Variants in PRAM1 observed in about 807,000 individuals in gnomAD.
PRAM1 encodes PML-RARA regulated adaptor molecule 1, also known as PML-RARA-regulated adapter molecule 1.
In PRAM1, 41 loss-of-function variants were observed where a neutral mutation model predicts 55.3. The ratio of observed to expected loss-of-function variants is 0.74; its 90% CI spans 0.58 to 0.96. The LOEUF (loss-of-function observed/expected upper bound fraction) is 0.96, where lower values mean the gene tolerates loss of function less well. PRAM1 is among the 40% of genes least tolerant of loss of function. The pLI, the probability that PRAM1 is intolerant of heterozygous loss-of-function variation, is 0.00. For synonymous variants in PRAM1, 401 were observed against 387.1 expected, an observed-to-expected ratio of 1.04 and a Z score of -0.42; for missense variants, 898 against 892.7, an observed-to-expected ratio of 1.01 and a Z score of -0.08.
chr19:8,495,773 T>A (rs1599879474), intron 4 of PRAM1, among the ~76,000 whole-genome samples: 1 of 151,234 alleles, frequency 6.6e-6, no homozygotes, highest in African/African-American at 2.4e-5. Context: ...GCAGGCAAGG[T>A]GCTTCCCTGG....
Position 8,499,715 on chromosome 19 carries a change from G to T in PRAM1, c.93C>A (p.Asp31Glu). 1 of 1,613,784 alleles carries T rather than the reference G, an allele frequency of 6.2e-7. No homozygotes were observed. Among genetic ancestry groups the T allele is most frequent in the Non-Finnish European group, 8.5e-7 (1 of 1,179,790 alleles). Residue 31 changes from aspartate (D) to glutamate (E), a missense_variant, in exon 2 of 10, where the codon GAC becomes GAA. Physicochemically the swap from Asp to Glu is conservative, Grantham distance 45 (BLOSUM62 2). Around this residue, in one of 4 missense-constraint regions of PRAM1, gnomAD observed 79 missense variants for 93.4 expected, o/e 0.85. Transcript: ENST00000423345. ...CAGGCTTCGGAGGTTTTTTGGGCAG[G>T]TCGCTGGGCTCCGGCTGAGAGGCCT... is the stretch of plus-strand genomic sequence containing the variant. ...KFQASQPEPS[D>E]LPKKPPKPEF...
intron 4 of PRAM1, among the ~76,000 whole-genome samples, chr19:8,495,089 G>A (rs1298342603): frequency 1.3e-5 from 2 of 151,624 alleles, no homozygotes; most frequent in African/African-American, 4.9e-5. Flanking sequence ...ACAGGTGCAT[G>A]CCACCATGCC....
chr19:8,499,163 C>T lies in PRAM1; in HGVS notation c.645G>A (p.Lys215=). The T allele has an allele frequency of 6.2e-7, 1 of 1,613,474 alleles. No individual in the cohort carries two copies. Among genetic ancestry groups the T allele is most frequent in the Non-Finnish European group, 8.5e-7 (1 of 1,179,730 alleles). The part of the protein sequence containing the change: ...PQPELSTFPK[K]PAQPEFNVYP... ...ACACGTTGAACTCAGGCTGCGCAGG[C>T]TTCTTGGGAAAGGTACTCAACTCAG... The change falls in exon 2 of 10, where the codon AAG becomes AAA. Residue 215 remains lysine, a synonymous_variant. Coordinates refer to ENST00000423345, the MANE Select transcript of PRAM1 (RefSeq NM_032152.5).
intron 4 of PRAM1, among the ~76,000 whole-genome samples, chr19:8,492,911 C>T (rs999494421): frequency 6.6e-5 from 10 of 152,142 alleles, no homozygotes; most frequent in Non-Finnish European, 1.2e-4. Context: ...GCAGGAGAAT[C>T]GCCGGAACCT....
At chr19:8,502,247 C>T (rs1225351137) in intron 1 of PRAM1, among the ~76,000 whole-genome samples, 1 of 152,072 alleles carries the variant, frequency 6.6e-6, no homozygotes, top group Admixed American at 6.6e-5. Context: ...AAGCACTGCT[C>T]TCACCCCAGC....
chr19:8,501,012 C>T (rs1971798834), intron 1 of PRAM1, among the ~76,000 whole-genome samples: 1 of 151,882 alleles, frequency 6.6e-6, no homozygotes, highest in Non-Finnish European at 1.5e-5. Context: ...GTGATCCACC[C>T]TCCACCCGCC....
chr19:8,495,393 C>T (rs1396021412), intron 4 of PRAM1, among the ~76,000 whole-genome samples: 3 of 152,166 alleles, frequency 2.0e-5, no homozygotes, highest in African/African-American at 7.2e-5. Flanking sequence ...AGCCACCACG[C>T]CCGGCCCCAG....
At position 8,490,664 on chromosome 19, in the gene PRAM1, G is replaced by A. The variant is rs550925487; in HGVS notation, c.1836C>T (p.Arg612=). The stretch of plus-strand genomic sequence containing the variant: ...ACTCGATCACCTCCAGGATCTCCCC[G>A]CGCCGGATCCCGAGGTGCTTGCCAC... ...RGGGKHLGIR[R]GEILEVIEFT... is the part of the protein sequence containing the mutation. The change falls in exon 7 of 10, where the codon CGC becomes CGT. Residue 612 remains arginine, a synonymous_variant. Coordinates refer to ENST00000423345, the MANE Select transcript of PRAM1 (RefSeq NM_032152.5). The surrounding 1 kb of genome is among the most constrained non-coding windows in gnomAD (Gnocchi z 7.3). 3.3e-4 allele frequency: 529 copies of A among 1,592,110 alleles called. 2 individuals carry two copies. The South Asian group carries it at 4.2e-3, about 13-fold the overall frequency.
chr19:8,495,828 G>A (rs1010155447), intron 4 of PRAM1, among the ~76,000 whole-genome samples: 1 of 150,150 alleles, frequency 6.7e-6, no homozygotes, highest in Non-Finnish European at 1.5e-5. Context: ...GGAGTGGAGG[G>A]TACGGATTTA....
At chr19:8,491,243 T>C (rs1971625763) in intron 4 of PRAM1, 86 bp from the exon 5 acceptor site, 3 of 1,407,618 alleles carry the variant, frequency 2.1e-6, no homozygotes, top group Non-Finnish European at 2.9e-6. Flanking sequence ...GTTTTTGTGT[T>C]TTTGTTTTGA....
chr19:8,501,018 C>T lies in PRAM1; in HGVS notation c.28-1238G>A, dbSNP rs560851159. ...CGACCTCAGGTGATCCACCCTCCAC[C>T]CGCCTCAGCCTCCCAAAGTGCTGGG... On this transcript the variant is annotated intron_variant, in intron 1 of 9. Coordinates refer to ENST00000423345, the MANE Select transcript of PRAM1 (RefSeq NM_032152.5). Among the ~76,000 whole-genome samples the T allele has an allele frequency of 2.8e-3, 426 of 151,972 alleles. 1 individual carries two copies. The highest frequency in any genetic ancestry group is 7.1e-3 in the South Asian group (34 of 4,798).
chr19:8,490,421 C>G lies in PRAM1; in HGVS notation c.1941-49G>C, dbSNP rs1459066797. ...CAAGGGGCACCGTGGCCCATTCCCC[C>G]CACCCTGCACCACACACCCCGCACT... On this transcript the variant is annotated intron_variant, in intron 8 of 9. Transcript: ENST00000423345. This position sits in a 1 kb window ranked among gnomAD's most constrained non-coding sequence, Gnocchi z 7.3. 1.2e-6 allele frequency: 2 copies of G among 1,613,660 alleles called. No homozygotes were observed. Among genetic ancestry groups the G allele is most frequent in the Admixed American group, 3.3e-5 (2 of 59,996 alleles).
In PRAM1 at chr19:8,498,851, CT is replaced by C. The variant is rs1568317077; in HGVS notation, c.956del (p.Lys319ArgfsTer159). 2.5e-6 allele frequency: 4 copies of C among 1,608,318 alleles called. No homozygotes were observed. Among genetic ancestry groups the C allele is most frequent in the Non-Finnish European group, 2.5e-6 (3 of 1,177,662 alleles). On this transcript the variant is annotated frameshift_variant, in exon 2 of 10. Coordinates refer to ENST00000423345, the MANE Select transcript of PRAM1 (RefSeq NM_032152.5). LOFTEE classifies it high-confidence loss of function. ...CGCCCAGCTCGGGCTGCGGGGGCTT[CT>C]TGGAGAGCGCTTTGAATTCGGCCGG... ...PRPAEFKALS[K>X]KPPQPELGGL...
Position 8,499,271 on chromosome 19 carries a change from G to A in PRAM1, c.537C>T (p.Pro179=). 1 of 1,609,642 alleles carries A rather than the reference G, an allele frequency of 6.2e-7. No individual in the cohort carries two copies. Among genetic ancestry groups the A allele is most frequent in the Non-Finnish European group, 8.5e-7 (1 of 1,177,594 alleles). The part of the protein sequence containing the change: ...QPDELSHPAR[P]PSEPKSGAFP... ...ATGCGCCGGATTTGGGTTCGGAGGG[G>A]GGTCTGGCGGGGTGACTGAGTTCGT... The change falls in exon 2 of 10, where the codon CCC becomes CCT. Residue 179 remains proline, a synonymous_variant. Coordinates refer to ENST00000423345, the MANE Select transcript of PRAM1 (RefSeq NM_032152.5).
intron 4 of PRAM1, among the ~76,000 whole-genome samples, chr19:8,495,006 G>A (rs1303243323): frequency 6.6e-6 from 1 of 150,652 alleles, no homozygotes; most frequent in African/African-American, 2.4e-5. Flanking sequence ...GCGGCGCGAT[G>A]TCAGCTCACT....
intron 1 of PRAM1, among the ~76,000 whole-genome samples, chr19:8,501,872 T>C (rs1971811420): frequency 6.6e-6 from 1 of 152,088 alleles, no homozygotes; most frequent in Admixed American, 6.5e-5. Context: ...GCTGCCCTCC[T>C]AGCTGGCCCT....
intron 4 of PRAM1, 160 bp from the exon 5 acceptor site, chr19:8,491,317 T>C: frequency 1.4e-6 from 1 of 730,884 alleles, no homozygotes; most frequent in South Asian, 1.7e-5. Flanking sequence ...CACTGCAACC[T>C]TCGCCTCCTG....
In PRAM1 at chr19:8,490,449, C is replaced by A; in HGVS notation, c.1940+27G>T. The A allele has an allele frequency of 6.2e-7, 1 of 1,613,234 alleles. No individual in the cohort carries two copies. The highest frequency in any genetic ancestry group is 8.5e-7 in the Non-Finnish European group (1 of 1,179,614). On this transcript the variant is annotated intron_variant, in intron 8 of 9. Transcript: ENST00000423345. This position sits in a 1 kb window ranked among gnomAD's most constrained non-coding sequence, Gnocchi z 7.3. The stretch of plus-strand genomic sequence containing the variant: ...CCCTGCACCACACACCCCGCACTCC[C>A]CCACCACGGTCAGGGCTGGCACTCA...
rs776228636 is a variant in PRAM1 at position 8,490,453 on chromosome 19, C to G, written c.1940+23G>C. The G allele has an allele frequency of 6.2e-7, 1 of 1,613,248 alleles. No homozygotes were observed. Among genetic ancestry groups the G allele is most frequent in the South Asian group, 1.1e-5 (1 of 90,982 alleles). On this transcript the variant is annotated intron_variant, in intron 8 of 9. Transcript: ENST00000423345. This position sits in a 1 kb window ranked among gnomAD's most constrained non-coding sequence, Gnocchi z 7.3. ...GCACCACACACCCCGCACTCCCCCA[C>G]CACGGTCAGGGCTGGCACTCACAGG...
Sources: gnomAD v4.1 joint callset for allele counts (sites outside exome capture counted in the v4.1 genomes callset) on GRCh38, gnomAD v4.1.1 for gene constraint, gnomAD v4.1.1 regional missense constraint, Gnocchi (gnomAD v3.1) non-coding constraint, MANE v1.5 for transcripts, NCBI Gene and HGNC (gene_info 2026-07-23, HGNC 2026-07-21) for gene names.